Variants in FER observed in about 807,000 individuals in gnomAD.
FER encodes FER tyrosine kinase.
In FER, 63 loss-of-function variants were observed where a neutral mutation model predicts 111.0. The ratio of observed to expected loss-of-function variants is 0.57; its 90% CI spans 0.46 to 0.70. FER has a LOEUF of 0.70. Among genes scored for constraint, FER ranks in the 30% least tolerant of loss-of-function variants. FER has a pLI of 0.00. For synonymous variants in FER, 327 were observed against 313.9 expected (o/e 1.04, Z -0.44); for missense variants, 914 against 954.0 (o/e 0.96, Z 0.55).
At chr5:109,118,783 T>G (rs546397891) in intron 17 of FER, among the ~76,000 whole-genome samples, 1 of 152,318 alleles carries the variant, frequency 6.6e-6, no homozygotes, top group East Asian at 1.9e-4. Flanking sequence ...ATTTTCTAGT[T>G]TATTTGCATA....
At chr5:108,902,124 A>G (rs1192068050) in intron 10 of FER, among the ~76,000 whole-genome samples, 1 of 152,224 alleles carries the variant, frequency 6.6e-6, no homozygotes, top group African/African-American at 2.4e-5. Context: ...CATCAAGCTT[A>G]TAGACTACCG....
At chr5:108,980,240 C>A (rs768116788) in intron 13 of FER, among the ~76,000 whole-genome samples, 2 of 152,068 alleles carry the variant, frequency 1.3e-5, no homozygotes, top group African/African-American at 2.4e-5. Flanking sequence ...ACATTCATTT[C>A]AGCCATGTAC....
At chr5:109,018,438 G>T (rs1038255197) in intron 13 of FER, among the ~76,000 whole-genome samples, 6 of 151,790 alleles carry the variant, frequency 4.0e-5, no homozygotes, top group African/African-American at 1.4e-4. Flanking sequence ...CCTTAGATAA[G>T]CAAGGTTTTT....
rs1581098177 is a variant in FER, at chr5:108,895,369, A to G, written c.1047-2290A>G. On this transcript the variant is annotated intron_variant, in intron 9 of 19. Transcript: ENST00000281092. The stretch of plus-strand genomic sequence containing the variant: ...CAGTAGCTTAAAACAACACAGATTT[A>G]TTCTCTTATAGTTCTGGAGGTCACA... Among the ~76,000 whole-genome samples the G allele has an allele frequency of 5.3e-5, 8 of 152,246 alleles. 1 individual carries two copies. The South Asian group carries it at 1.7e-3, about 32-fold the overall frequency.
chr5:108,924,853 G>C, intron 10 of FER: 1 of 1,164,640 alleles, frequency 8.6e-7, no homozygotes, highest in Non-Finnish European at 1.1e-6. Context: ...TAAGAGTCCA[G>C]CAGGTCATCT....
chr5:108,944,144 C>T (rs1402283524), intron 10 of FER, among the ~76,000 whole-genome samples: 2 of 150,220 alleles, frequency 1.3e-5, no homozygotes, highest in Non-Finnish European at 1.5e-5. Context: ...CACACACAAA[C>T]ACACACACTG....
rs1344912074 is a variant in FER at position 109,186,307 on chromosome 5, G to C, written c.2311G>C (p.Glu771Gln). Residue 771 changes from glutamate (E) to glutamine (Q), a missense_variant, in exon 19 of 20, where the codon GAG (glutamate) becomes CAG (glutamine). Coordinates refer to ENST00000281092, the MANE Select transcript of FER (RefSeq NM_005246.4). ...TGGAATGACAAATCAGCAAGCAAGA[G>C]AGCAAGTAGAAAGAGGTGAGCCAAG... is the stretch of plus-strand genomic sequence containing the variant. ...YPGMTNQQAR[E>Q]QVERGYRMSA... 1.9e-6 allele frequency: 3 copies of C among 1,613,994 alleles called. No individual in the cohort carries two copies. The African/African-American group carries it at 4.0e-5, about 22-fold the overall frequency.
intron 10 of FER, among the ~76,000 whole-genome samples, chr5:108,925,677 C>T (rs775958304): frequency 1.3e-5 from 2 of 151,838 alleles, no homozygotes; most frequent in Admixed American, 1.3e-4. Flanking sequence ...TATGTATTTT[C>T]TTTATTTTGA....
intron 13 of FER, among the ~76,000 whole-genome samples, chr5:108,960,339 A>G (rs1258649909): frequency 1.3e-5 from 2 of 152,084 alleles, no homozygotes; most frequent in African/African-American, 4.8e-5. Context: ...GTGACCTTTA[A>G]TATTTCTCTC....
intron 13 of FER, among the ~76,000 whole-genome samples, chr5:108,968,397 G>GA (rs894608292): frequency 1.3e-5 from 2 of 151,312 alleles, no homozygotes; most frequent in East Asian, 1.9e-4. Context: ...CTCAAAAAAA[G>GA]AAAAAAAATT....
At chr5:108,919,191 T>C (rs1752676875) in intron 10 of FER, among the ~76,000 whole-genome samples, 1 of 152,082 alleles carries the variant, frequency 6.6e-6, no homozygotes, top group Admixed American at 6.5e-5. Flanking sequence ...ATTTTACTCA[T>C]TGATATCTTA....
intron 13 of FER, among the ~76,000 whole-genome samples, chr5:108,980,081 A>G (rs968217114): frequency 3.3e-5 from 5 of 152,300 alleles, no homozygotes; most frequent in South Asian, 2.1e-4. Flanking sequence ...TGAGTAATCA[A>G]TTGTTTCAAT....
intron 16 of FER, among the ~76,000 whole-genome samples, chr5:109,087,944 AAT>A (rs1777748479): frequency 6.6e-6 from 1 of 151,936 alleles, no homozygotes; most frequent in Non-Finnish European, 1.5e-5. Context: ...GTATTATAAC[AAT>A]GTTTTTTAGT....
chr5:109,108,855 A>G (rs1327303012), intron 17 of FER, among the ~76,000 whole-genome samples: 2 of 152,172 alleles, frequency 1.3e-5, no homozygotes. Flanking sequence ...GGAGCAATCA[A>G]CATACAGAAC....
chr5:108,820,893 A>G (rs894555083), intron 3 of FER, among the ~76,000 whole-genome samples: 2 of 152,196 alleles, frequency 1.3e-5, no homozygotes, highest in African/African-American at 2.4e-5. Flanking sequence ...TGGGAGGCCA[A>G]GGTGGGCGAA....
At chr5:108,814,082 A>T (rs896356081) in intron 3 of FER, among the ~76,000 whole-genome samples, 1 of 145,476 alleles carries the variant, frequency 6.9e-6, no homozygotes, top group African/African-American at 2.6e-5. Flanking sequence ...GAATATATGG[A>T]ATATAGTCCT....
At chr5:108,785,731 A>T (rs1580515169) in intron 2 of FER, among the ~76,000 whole-genome samples, 1 of 152,292 alleles carries the variant, frequency 6.6e-6, no homozygotes, top group Middle Eastern at 3.4e-3. Context: ...TCAGAGGGAC[A>T]TCTATTCTAT....
intron 11 of FER, among the ~76,000 whole-genome samples, chr5:108,953,863 A>G (rs1008586054): frequency 1.3e-5 from 2 of 152,068 alleles, no homozygotes; most frequent in African/African-American, 4.8e-5. Flanking sequence ...CTCTATCTGG[A>G]GCAGTTTAGT....
At chr5:109,046,874 A>C (rs62377130) in intron 15 of FER, among the ~76,000 whole-genome samples, 3 of 152,128 alleles carry the variant, frequency 2.0e-5, no homozygotes, top group Admixed American at 6.6e-5. Flanking sequence ...AGACTTTAAC[A>C]TGCATAGATT....
Sources: gnomAD v4.1 joint callset for allele counts (sites outside exome capture counted in the v4.1 genomes callset) on GRCh38, gnomAD v4.1.1 for gene constraint, MANE v1.5 for transcripts, NCBI Gene and HGNC (gene_info 2026-07-23, HGNC 2026-07-21) for gene names.